The following HS6ST3 variants were observed in gnomAD, a reference collection of about 807,000 sequenced individuals.
HS6ST3 encodes heparan sulfate 6-O-sulfotransferase 3.
Under a neutral mutation model 36.7 loss-of-function variants are expected in HS6ST3, and 12 were observed. That is an observed-to-expected ratio of 0.33 (90% confidence interval 0.21 to 0.53). The LOEUF (loss-of-function observed/expected upper bound fraction) is 0.53. Ranked by LOEUF, HS6ST3 falls within the 20% of genes least tolerant of loss-of-function variation. HS6ST3 has a pLI of 0.95. For missense variants in HS6ST3, 584 were observed against 640.9 expected (o/e 0.91, Z 0.96); for synonymous variants, 240 against 257.5 (o/e 0.93, Z 0.65).
At chr13:96,289,670 C>T (rs898580937) in intron 1 of HS6ST3, among the ~76,000 whole-genome samples, 3 of 152,126 alleles carry the variant, frequency 2.0e-5, no homozygotes, top group Admixed American at 6.6e-5. Context: ...CTAACCAAAA[C>T]AGGAAGTCTA....
intron 1 of HS6ST3, among the ~76,000 whole-genome samples, chr13:96,418,206 G>C (rs779472510): frequency 3.9e-5 from 6 of 152,190 alleles, no homozygotes; most frequent in Non-Finnish European, 7.3e-5. Context: ...AAAAACACTT[G>C]TTTGCAGCAT....
intron 1 of HS6ST3, among the ~76,000 whole-genome samples, chr13:96,639,104 T>C: frequency 6.6e-6 from 1 of 151,964 alleles, no homozygotes; most frequent in Non-Finnish European, 1.5e-5. Context: ...AAGATTTCTG[T>C]TTTATCTATT....
rs569959378 is a variant in HS6ST3, at chr13:96,237,664, T to C, written c.707+146095T>C. Among the ~76,000 whole-genome samples, 3 of 152,296 alleles carry C rather than the reference T, an allele frequency of 2.0e-5. No homozygotes were observed. In the East Asian group the frequency reaches 5.8e-4, roughly 29 times the overall value. On this transcript the variant is annotated intron_variant, in intron 1 of 1. Transcript: ENST00000376705. ...GCTGTCTCTAATGCTTTACCTCTAA[T>C]CTTGTTTTTAACCCCAACACTCAGT... is the stretch of plus-strand genomic sequence containing the variant.
At chr13:96,802,342 A>G (rs1288198012) in intron 1 of HS6ST3, among the ~76,000 whole-genome samples, 1 of 152,208 alleles carries the variant, frequency 6.6e-6, no homozygotes, top group African/African-American at 2.4e-5. Flanking sequence ...CCATCTCTCA[A>G]GGAATAATTC....
intron 1 of HS6ST3, among the ~76,000 whole-genome samples, chr13:96,375,238 GTCCCT>G (rs1301165013): frequency 6.6e-6 from 1 of 152,082 alleles, no homozygotes; most frequent in Non-Finnish European, 1.5e-5. Flanking sequence ...GTAAAGACCT[GTCCCT>G]TCACCTGTTC....
At chr13:96,398,608 A>T (rs1046772630) in intron 1 of HS6ST3, among the ~76,000 whole-genome samples, 1 of 152,126 alleles carries the variant, frequency 6.6e-6, no homozygotes, top group African/African-American at 2.4e-5. Flanking sequence ...AAATTGACTG[A>T]AAGAAGTTAG....
At chr13:96,546,536 CT>C (rs555242646) in intron 1 of HS6ST3, among the ~76,000 whole-genome samples, 1 of 152,140 alleles carries the variant, frequency 6.6e-6, no homozygotes, top group Non-Finnish European at 1.5e-5. Context: ...TTTATGTTCA[CT>C]CTTCTTTATA....
intron 1 of HS6ST3, among the ~76,000 whole-genome samples, chr13:96,260,115 A>G (rs564648635): frequency 6.0e-4 from 92 of 152,074 alleles, no homozygotes; most frequent in Non-Finnish European, 9.7e-4. Context: ...TACAACTTCT[A>G]AATGTGAATA....
At chr13:96,426,899 G>T (rs757498085) in intron 1 of HS6ST3, among the ~76,000 whole-genome samples, 3 of 152,158 alleles carry the variant, frequency 2.0e-5, no homozygotes, top group Admixed American at 1.3e-4. Context: ...AAGGGTTTTA[G>T]TTCTGTTCTG....
chr13:96,238,947 C>T (rs1165275884), intron 1 of HS6ST3, among the ~76,000 whole-genome samples: 1 of 152,138 alleles, frequency 6.6e-6, no homozygotes, highest in East Asian at 1.9e-4. Flanking sequence ...GGCAGTGCAA[C>T]ACGGGGAAAC....
chr13:96,391,174 G>A (rs911828802), intron 1 of HS6ST3, among the ~76,000 whole-genome samples: 56 of 152,190 alleles, frequency 3.7e-4, no homozygotes, highest in African/African-American at 1.3e-3. Context: ...CTCTATGCTC[G>A]CTTGATAGCA....
intron 1 of HS6ST3, among the ~76,000 whole-genome samples, chr13:96,456,878 A>C (rs930077615): frequency 1.3e-5 from 2 of 152,150 alleles, no homozygotes; most frequent in Non-Finnish European, 2.9e-5. Flanking sequence ...GTTGCTGTCC[A>C]GAGTTCTTCT....
At chr13:96,281,706 A>G (rs992891381) in intron 1 of HS6ST3, among the ~76,000 whole-genome samples, 2 of 152,170 alleles carry the variant, frequency 1.3e-5, no homozygotes, top group African/African-American at 4.8e-5. Context: ...AATTTGTTCT[A>G]TGGTCATAGG....
chr13:96,510,631 T>A (rs2056045834), intron 1 of HS6ST3, among the ~76,000 whole-genome samples: 1 of 152,170 alleles, frequency 6.6e-6, no homozygotes, highest in African/African-American at 2.4e-5. Context: ...ACACCCAGCA[T>A]AATTTTCAAC....
Position 96,485,835 on chromosome 13 carries a change from G to A in HS6ST3, c.708-346655G>A, listed in dbSNP as rs199871166. On this transcript the variant is annotated intron_variant, in intron 1 of 1. Transcript: ENST00000376705. Reference sequence around the variant, plus strand: ...CTCATGTAGGCTACAATACTTCATAGCCTTCAAATTCTTTTTAGAAATATA... The same window carrying A: ...CTCATGTAGGCTACAATACTTCATAACCTTCAAATTCTTTTTAGAAATATA... 3.3e-5 allele frequency among the ~76,000 whole-genome samples: 5 copies of A among 152,168 alleles called. No homozygotes were observed. In the East Asian group the frequency reaches 9.7e-4, roughly 29 times the overall value.
At chr13:96,497,485 G>T (rs1456564801) in intron 1 of HS6ST3, among the ~76,000 whole-genome samples, 1 of 152,024 alleles carries the variant, frequency 6.6e-6, no homozygotes, top group East Asian at 1.9e-4. Flanking sequence ...CCATTTTTAT[G>T]TACCCTCACA....
At chr13:96,765,145 C>T (rs1002460470) in intron 1 of HS6ST3, among the ~76,000 whole-genome samples, 5 of 147,968 alleles carry the variant, frequency 3.4e-5, no homozygotes, top group Non-Finnish European at 5.9e-5. Context: ...GCAATCTCGG[C>T]TCACTGCAAG....
intron 1 of HS6ST3, among the ~76,000 whole-genome samples, chr13:96,490,155 A>G (rs915009314): frequency 6.6e-5 from 10 of 152,162 alleles, no homozygotes; most frequent in African/African-American, 1.9e-4. Flanking sequence ...TCTTGGAATT[A>G]TATTCTTTAA....
At chr13:96,479,285 G>A (rs985184503) in intron 1 of HS6ST3, among the ~76,000 whole-genome samples, 2 of 152,172 alleles carry the variant, frequency 1.3e-5, no homozygotes, top group Non-Finnish European at 2.9e-5. Context: ...CAGTGAGGCT[G>A]TATAATGGTA....
Sources: allele counts gnomAD v4.1 joint callset (sites outside exome capture counted in the v4.1 genomes callset), GRCh38; gene constraint gnomAD v4.1.1; transcripts MANE v1.5; gene names NCBI Gene and HGNC (gene_info 2026-07-23, HGNC 2026-07-21).